Variants in DOK5 observed in about 807,000 individuals in gnomAD.
The protein encoded by DOK5 is downstream of tyrosine kinase 5.
A neutral mutation model predicts 43.3 loss-of-function variants in DOK5; 27 were observed. The ratio of observed to expected loss-of-function variants is 0.62; its 90% CI spans 0.46 to 0.86. The LOEUF (loss-of-function observed/expected upper bound fraction) is 0.86. Among genes scored for constraint, DOK5 ranks in the 40% least tolerant of loss-of-function variants. The pLI is 0.00. For synonymous variants in DOK5, 146 were observed against 140.1 expected (o/e 1.04, Z -0.30); for missense variants, 373 against 392.9 (o/e 0.95, Z 0.43).
At chr20:54,513,244 T>G (rs1388885576) in intron 1 of DOK5, among the ~76,000 whole-genome samples, 1 of 152,138 alleles carries the variant, frequency 6.6e-6, no homozygotes, top group Non-Finnish European at 1.5e-5. Flanking sequence ...TCTGTTACAT[T>G]CAGCTGAATG....
chr20:54,527,114 A>C (rs1258359329), intron 1 of DOK5, among the ~76,000 whole-genome samples: 1 of 152,200 alleles, frequency 6.6e-6, no homozygotes, highest in Non-Finnish European at 1.5e-5. Flanking sequence ...TAAAATTAAA[A>C]GCTTGAGCAA....
chr20:54,613,605 A>G (rs1460576250), intron 6 of DOK5, among the ~76,000 whole-genome samples: 1 of 152,202 alleles, frequency 6.6e-6, no homozygotes, highest in African/African-American at 2.4e-5. Context: ...AGCTTTTTGC[A>G]AGAAAATGTC....
intron 5 of DOK5, among the ~76,000 whole-genome samples, chr20:54,601,050 G>C (rs1986284970): frequency 6.6e-6 from 1 of 152,190 alleles, no homozygotes; most frequent in African/African-American, 2.4e-5. Context: ...AGGTTTTTAA[G>C]CTAAAGCCAG....
intron 2 of DOK5, among the ~76,000 whole-genome samples, chr20:54,571,467 T>C (rs1568789313): frequency 6.6e-6 from 1 of 152,194 alleles, no homozygotes; most frequent in Non-Finnish European, 1.5e-5. Context: ...TGTCCACTTT[T>C]ACTATATATA....
intron 1 of DOK5, among the ~76,000 whole-genome samples, chr20:54,515,795 T>G (rs1983179503): frequency 6.6e-6 from 1 of 152,206 alleles, no homozygotes; most frequent in Non-Finnish European, 1.5e-5. Flanking sequence ...GTTTTGTACC[T>G]CCTGGGGAGA....
At chr20:54,571,785 C>A (rs1172255893) in intron 2 of DOK5, among the ~76,000 whole-genome samples, 1 of 152,186 alleles carries the variant, frequency 6.6e-6, no homozygotes, top group African/African-American at 2.4e-5. Context: ...CTGAGTGCAG[C>A]GTACCAGCCC....
At chr20:54,618,974 G>GCTA (rs1325896984) in intron 6 of DOK5, among the ~76,000 whole-genome samples, 3 of 141,852 alleles carry the variant, frequency 2.1e-5, no homozygotes, top group African/African-American at 7.7e-5. Flanking sequence ...CTATGATAGT[G>GCTA]CTACTGCCCT....
intron 7 of DOK5, among the ~76,000 whole-genome samples, chr20:54,644,859 A>C (rs960206860): frequency 3.9e-5 from 5 of 127,088 alleles, no homozygotes; most frequent in East Asian, 2.3e-4. Flanking sequence ...CAAGAGCAAA[A>C]CTCCATCTCA....
chr20:54,593,655 C>T (rs1490440368), intron 5 of DOK5, among the ~76,000 whole-genome samples: 1 of 152,062 alleles, frequency 6.6e-6, no homozygotes, highest in Non-Finnish European at 1.5e-5. Context: ...AGGGAGACCC[C>T]ATCTCTCCAA....
chr20:54,626,074 T>A (rs1272292050), intron 6 of DOK5, among the ~76,000 whole-genome samples: 1 of 152,206 alleles, frequency 6.6e-6, no homozygotes, highest in Admixed American at 6.5e-5. Context: ...TTCAACTAGC[T>A]GTCTGACCAG....
chr20:54,558,647 CA>C (rs1399375049), intron 2 of DOK5, among the ~76,000 whole-genome samples: 2 of 152,108 alleles, frequency 1.3e-5, no homozygotes, highest in Admixed American at 6.5e-5. Flanking sequence ...TTTATTCTAA[CA>C]TAAATAAAGC....
intron 2 of DOK5, among the ~76,000 whole-genome samples, chr20:54,563,627 G>T (rs1166516191): frequency 6.9e-6 from 1 of 145,306 alleles, no homozygotes; most frequent in Non-Finnish European, 1.5e-5. Context: ...CGATCTTATT[G>T]CCTGTCCCCT....
chr20:54,597,889 G>A (rs1050477699), intron 5 of DOK5, among the ~76,000 whole-genome samples: 1 of 152,220 alleles, frequency 6.6e-6, no homozygotes, highest in African/African-American at 2.4e-5. Flanking sequence ...ATGATCTTGT[G>A]AGCATATTAT....
intron 1 of DOK5, among the ~76,000 whole-genome samples, chr20:54,497,090 T>C (rs1446023297): frequency 6.6e-6 from 1 of 152,188 alleles, no homozygotes; most frequent in Admixed American, 6.5e-5. Flanking sequence ...ACAATATCAA[T>C]AATTATGGCT....
chr20:54,541,354 T>A (rs939707552), intron 1 of DOK5, among the ~76,000 whole-genome samples: 22 of 152,302 alleles, frequency 1.4e-4, no homozygotes, highest in African/African-American at 4.8e-4. Context: ...GAAGTTGGAT[T>A]ATATCACTTC....
At chr20:54,504,817 T>C (rs895678368) in intron 1 of DOK5, among the ~76,000 whole-genome samples, 5 of 152,168 alleles carry the variant, frequency 3.3e-5, no homozygotes, top group African/African-American at 1.2e-4. Context: ...CTTGTTGGCT[T>C]TTGAGGTGGT....
rs1327862271 is a variant in DOK5, at chr20:54,650,827, T to C, written c.*348T>C. ...CTTTTGTGGATTCTTGTGATTTTCC[T>C]TCCAAGTGTTTCAGTTGTATGACAG... On this transcript the variant is annotated 3_prime_UTR_variant, in exon 8 of 8. Coordinates refer to ENST00000262593, the MANE Select transcript of DOK5 (RefSeq NM_018431.5). The C allele has an allele frequency of 5.4e-6, 1 of 183,840 alleles. No individual in the cohort carries two copies. 11.4% of individuals were successfully genotyped at this position (183,840 alleles called of 1,614,324 possible). A position where few individuals can be genotyped will look rare whatever the true frequency, so the allele number is the denominator to read the frequency against.
intron 6 of DOK5, among the ~76,000 whole-genome samples, chr20:54,628,362 T>C (rs1321777026): frequency 1.2e-4 from 14 of 119,430 alleles, no homozygotes; most frequent in African/African-American, 3.3e-4. Flanking sequence ...TGAGCCGAGA[T>C]CGCGCCACTG....
intron 1 of DOK5, among the ~76,000 whole-genome samples, chr20:54,504,419 C>A (rs182796614): frequency 6.6e-6 from 1 of 152,350 alleles, no homozygotes; most frequent in East Asian, 1.9e-4. Context: ...CTGAGGCTTT[C>A]TCTTGTTGAA....
Sources: gnomAD v4.1 joint callset for allele counts (sites outside exome capture counted in the v4.1 genomes callset) on GRCh38, gnomAD v4.1.1 for gene constraint, MANE v1.5 for transcripts, NCBI Gene and HGNC (gene_info 2026-07-23, HGNC 2026-07-21) for gene names.